CPPED1: variants seen among roughly 807,000 people sequenced by gnomAD.
CPPED1 encodes calcineurin like phosphoesterase domain containing 1, also known as serine/threonine-protein phosphatase CPPED1.
Under a neutral mutation model 28.0 loss-of-function variants are expected in CPPED1, and 28 were observed. The observed-to-expected ratio is 1.00, with a 90% CI of 0.74 to 1.37. The LOEUF is 1.37. CPPED1 is among the 40% of genes most tolerant of loss of function. The pLI, the probability that CPPED1 is intolerant of heterozygous loss-of-function variation, is 0.00. For synonymous variants in CPPED1, 198 were observed against 180.2 expected, an observed-to-expected ratio of 1.10 and a Z score of -0.79; for missense variants, 504 against 416.5, an observed-to-expected ratio of 1.21 and a Z score of -1.83.
intron 2 of CPPED1, among the ~76,000 whole-genome samples, chr16:12,722,772 C>G (rs2080148370): frequency 6.6e-6 from 1 of 152,132 alleles, no homozygotes; most frequent in Non-Finnish European, 1.5e-5. Flanking sequence ...TCAGCCTGCC[C>G]TGGCTTTCAG....
chr16:12,782,036 G>A lies in CPPED1; in HGVS notation c.71-633C>T, dbSNP rs762658133. The stretch of plus-strand genomic sequence containing the variant: ...CAAAGGCAGTAGGATGTGGGCATCC[G>A]TGAGGTGTGAGGCTGGGGGTGGGGA... On this transcript the variant is annotated intron_variant, in intron 1 of 3. Coordinates refer to ENST00000381774, the MANE Select transcript of CPPED1 (RefSeq NM_018340.3). Among the ~76,000 whole-genome samples the A allele has an allele frequency of 4.6e-5, 7 of 152,236 alleles. No homozygotes were observed. In the South Asian group the frequency reaches 6.2e-4, roughly 14 times the overall value.
intron 1 of CPPED1, among the ~76,000 whole-genome samples, chr16:12,796,435 C>G (rs1371894647): frequency 6.6e-6 from 1 of 152,004 alleles, no homozygotes; most frequent in Non-Finnish European, 1.5e-5. Flanking sequence ...GCAAAGCTTG[C>G]AGTGAGCCGA....
At position 12,665,068 on chromosome 16, in the gene CPPED1, T is replaced by C. The variant is rs1555482097; in HGVS notation, c.763A>G (p.Thr255Ala). The C allele has an allele frequency of 1.9e-6, 3 of 1,607,756 alleles. No individual in the cohort carries two copies. Among genetic ancestry groups the C allele is most frequent in the Non-Finnish European group, 2.5e-6 (3 of 1,178,306 alleles). The stretch of plus-strand genomic sequence containing the variant: ...ACCACCATGTCGAGGTTCTGGTAGG[T>C]ACCCCCGGCATTCCTGTGGTAGTGG... ...SGHYHRNAGG[T>A]YQNLDMVVSS... The change falls in exon 4 of 4, where the codon ACC (threonine) becomes GCC (alanine). Residue 255 changes from threonine to alanine, a missense_variant. Thr to Ala is a moderately conservative substitution (Grantham distance 58). Transcript: ENST00000381774.
At chr16:12,690,084 G>A (rs756278027) in intron 3 of CPPED1, among the ~76,000 whole-genome samples, 18 of 152,194 alleles carry the variant, frequency 1.2e-4, no homozygotes, top group Non-Finnish European at 2.2e-4. Context: ...CTGTAGCTAC[G>A]GTCTGCATTT....
At chr16:12,800,758 C>T (rs1025540240) in intron 1 of CPPED1, among the ~76,000 whole-genome samples, 2 of 151,796 alleles carry the variant, frequency 1.3e-5, no homozygotes, top group African/African-American at 2.4e-5. Context: ...TTCCTTCAGC[C>T]CTCATCCTTC....
Position 12,664,285 on chromosome 16 carries a change from T to C in CPPED1, c.*601A>G. 3 of 861,064 alleles carry C rather than the reference T, an allele frequency of 3.5e-6. No individual in the cohort carries two copies. The highest frequency in any genetic ancestry group is 4.2e-6 in the Non-Finnish European group (3 of 716,286). The allele number at this position is 861,064 out of a possible 1,614,324, so 53.3% of individuals were successfully genotyped here. On this transcript the variant is annotated 3_prime_UTR_variant, in exon 4 of 4. Transcript: ENST00000381774. This position sits in a 1 kb window ranked among gnomAD's most constrained non-coding sequence, Gnocchi z 4.2. Reference sequence around the variant, plus strand: ...AGGCAAATTTAAGCTCCGAGCTGTATCAACTGCATTCTGTTCCTATCATCA... The same window carrying C: ...AGGCAAATTTAAGCTCCGAGCTGTACCAACTGCATTCTGTTCCTATCATCA...
chr16:12,671,570 C>T (rs2141166851), intron 3 of CPPED1, among the ~76,000 whole-genome samples: 1 of 152,294 alleles, frequency 6.6e-6, no homozygotes, highest in African/African-American at 2.4e-5. Flanking sequence ...CACCTGTGGG[C>T]AGGTGTGGAT....
At position 12,664,697 on chromosome 16, in the gene CPPED1, G is replaced by A. The variant is rs2079814974; in HGVS notation, c.*189C>T. On this transcript the variant is annotated 3_prime_UTR_variant, in exon 4 of 4. Coordinates refer to ENST00000381774, the MANE Select transcript of CPPED1 (RefSeq NM_018340.3). This position sits in a 1 kb window ranked among gnomAD's most constrained non-coding sequence, Gnocchi z 4.2. ...CCAGGATCATTCGCTCCATTTTAAA[G>A]GAAATGCAGTTCTATTTTGAATATA... is the stretch of plus-strand genomic sequence containing the variant. The A allele has an allele frequency of 3.8e-5, 54 of 1,433,132 alleles. No homozygotes were observed. The South Asian group carries it at 8.1e-4, about 21-fold the overall frequency. 88.8% of individuals were successfully genotyped at this position (1,433,132 alleles called of 1,614,324 possible). A position where few individuals can be genotyped will look rare whatever the true frequency, so the allele number is the denominator to read the frequency against.
intron 3 of CPPED1, among the ~76,000 whole-genome samples, chr16:12,674,608 C>T (rs1180333192): frequency 6.6e-6 from 1 of 152,152 alleles, no homozygotes; most frequent in African/African-American, 2.4e-5. Flanking sequence ...ATCCTTCATC[C>T]TGTTTTACTG....
At chr16:12,702,186 C>T (rs867362020) in intron 3 of CPPED1, among the ~76,000 whole-genome samples, 2 of 151,998 alleles carry the variant, frequency 1.3e-5, no homozygotes, top group South Asian at 2.1e-4. Flanking sequence ...GGGCAGGGGG[C>T]TGGGGCATCA....
chr16:12,693,315 C>T (rs1197589858), intron 3 of CPPED1, among the ~76,000 whole-genome samples: 2 of 152,140 alleles, frequency 1.3e-5, no homozygotes, highest in African/African-American at 4.8e-5. Flanking sequence ...GATCCTCCCA[C>T]CTCAGCCTCC....
At chr16:12,774,416 C>T (rs374012555) in intron 2 of CPPED1, among the ~76,000 whole-genome samples, 7 of 151,348 alleles carry the variant, frequency 4.6e-5, no homozygotes, top group African/African-American at 9.7e-5. Context: ...TGCAGTGAGC[C>T]GAGATCATGC....
At chr16:12,677,942 C>T (rs1049698733) in intron 3 of CPPED1, among the ~76,000 whole-genome samples, 3 of 152,258 alleles carry the variant, frequency 2.0e-5, no homozygotes, top group Non-Finnish European at 2.9e-5. Context: ...TCCTTTGTAG[C>T]GTGAAAACAG....
At chr16:12,711,229 T>G (rs2080078275) in intron 2 of CPPED1, among the ~76,000 whole-genome samples, 1 of 152,204 alleles carries the variant, frequency 6.6e-6, no homozygotes, top group Non-Finnish European at 1.5e-5. Flanking sequence ...AAATAAGTCA[T>G]GCAGAAAAAA....
intron 1 of CPPED1, among the ~76,000 whole-genome samples, chr16:12,790,317 C>CA (rs1348149585): frequency 6.6e-6 from 1 of 152,194 alleles, no homozygotes; most frequent in Non-Finnish European, 1.5e-5. Context: ...CCCTTTTAGG[C>CA]ATATTTGTCA....
At chr16:12,728,444 G>A (rs889047131) in intron 2 of CPPED1, among the ~76,000 whole-genome samples, 2 of 152,046 alleles carry the variant, frequency 1.3e-5, no homozygotes, top group Non-Finnish European at 2.9e-5. Flanking sequence ...ATTACAGGTT[G>A]CTTATAATCT....
At chr16:12,691,557 C>A (rs2141178659) in intron 3 of CPPED1, among the ~76,000 whole-genome samples, 1 of 152,198 alleles carries the variant, frequency 6.6e-6, no homozygotes, top group East Asian at 1.9e-4. Flanking sequence ...AGACTTGGAA[C>A]CAACCCAAAT....
intron 2 of CPPED1, among the ~76,000 whole-genome samples, chr16:12,736,860 A>T (rs987236782): frequency 6.6e-5 from 10 of 152,080 alleles, no homozygotes; most frequent in Non-Finnish European, 1.0e-4. Context: ...ACCAAGTGGG[A>T]AGGCAGTGGG....
At chr16:12,771,500 A>G (rs1034913455) in intron 2 of CPPED1, among the ~76,000 whole-genome samples, 2 of 152,222 alleles carry the variant, frequency 1.3e-5, no homozygotes, top group African/African-American at 4.8e-5. Context: ...ACTGCCCTTT[A>G]GGAACTTGGA....
Sources: allele counts gnomAD v4.1 joint callset (sites outside exome capture counted in the v4.1 genomes callset), GRCh38; gene constraint gnomAD v4.1.1; non-coding constraint Gnocchi (gnomAD v3.1); transcripts MANE v1.5; gene names NCBI Gene and HGNC (gene_info 2026-07-23, HGNC 2026-07-21).